RP1: variants seen among roughly 807,000 people sequenced by gnomAD.
RP1 encodes RP1 axonemal microtubule associated, also known as oxygen-regulated protein 1.
In RP1, 16 loss-of-function variants were observed where a neutral mutation model predicts 14.8. The ratio of observed to expected loss-of-function variants is 1.08; its 90% confidence interval spans 0.73 to 1.65. RP1 has a LOEUF of 1.65. Among genes scored for constraint, RP1 ranks in the 40% most tolerant of loss-of-function variants. The pLI is 0.00. For missense variants in RP1, 2,631 were observed against 2,535.0 expected, an observed-to-expected ratio of 1.04 and a Z score of -0.81; for synonymous variants, 876 against 883.6, an observed-to-expected ratio of 0.99 and a Z score of 0.15.
Position 54,629,647 on chromosome 8 carries a change from C to T in RP1, c.5765C>T (p.Thr1922Ile), listed in dbSNP as rs1806192199. The T allele has an allele frequency of 6.2e-7, 1 of 1,613,942 alleles. No individual in the cohort carries two copies. The highest frequency in any genetic ancestry group is 8.5e-7 in the Non-Finnish European group (1 of 1,179,978). Reference sequence around the variant, plus strand: ...TGTGGTCAACATTGCCCAATACTAACTGTTATTATCCAACCCATGAATGAG... The same window carrying T: ...TGTGGTCAACATTGCCCAATACTAATTGTTATTATCCAACCCATGAATGAG... ...ALCGQHCPIL[T>I]VIIQPMNEED... Residue 1922 changes from threonine to isoleucine, a missense_variant, in exon 4 of 4, where the codon ACT becomes ATT. By Grantham distance (89) the Thr-to-Ile change is moderately conservative. Coordinates refer to ENST00000220676, the MANE Select transcript of RP1 (RefSeq NM_006269.2).
chr8:54,775,420 C>G (rs534259177), intron 23 of RP1, among the ~76,000 whole-genome samples: 22 of 152,176 alleles, frequency 1.4e-4, no homozygotes, highest in Non-Finnish European at 2.6e-4. Context: ...GGCTCGCTTT[C>G]TGGGAATGTT....
intron 1 of RP1, among the ~76,000 whole-genome samples, chr8:54,618,952 C>T (rs1183699925): frequency 2.0e-5 from 3 of 152,208 alleles, no homozygotes; most frequent in Non-Finnish European, 4.4e-5. Flanking sequence ...TGAGCCACCA[C>T]GCCCGGGCCT....
intron 8 of RP1, among the ~76,000 whole-genome samples, chr8:54,675,628 A>T (rs2129333865): frequency 6.6e-6 from 1 of 152,330 alleles, no homozygotes; most frequent in Non-Finnish European, 1.5e-5. Context: ...TTAGTAAAAC[A>T]AAAATTTAAT....
chr8:54,846,059 G>T (rs1466196607), intron 25 of RP1, among the ~76,000 whole-genome samples: 1 of 152,268 alleles, frequency 6.6e-6, no homozygotes, highest in South Asian at 2.1e-4. Context: ...CCACATGTCT[G>T]CAGTTTTCAC....
downstream of RP1, among the ~76,000 whole-genome samples, chr8:54,770,867 A>G (rs1281055096): frequency 1.3e-5 from 2 of 151,866 alleles, no homozygotes; most frequent in African/African-American, 4.8e-5. Flanking sequence ...CTTCAAATCA[A>G]TCTGCAATTA....
chr8:54,670,377 TC>T (rs776894254), intron 7 of RP1, among the ~76,000 whole-genome samples: 177 of 151,324 alleles, frequency 1.2e-3, no homozygotes, highest in Non-Finnish European at 1.9e-3. Context: ...TGTGTTGCTG[TC>T]TATTTCTCCC....
At chr8:54,649,717 A>G (rs1443329101) in intron 4 of RP1, among the ~76,000 whole-genome samples, 1 of 152,180 alleles carries the variant, frequency 6.6e-6, no homozygotes. Flanking sequence ...ATGTCTGTTG[A>G]ATAAATTAAT....
chr8:54,563,302 C>T (rs922715593), intron 1 of RP1, among the ~76,000 whole-genome samples: 2 of 152,186 alleles, frequency 1.3e-5, no homozygotes, highest in African/African-American at 2.4e-5. Context: ...GGGACACGCT[C>T]ACTCTGTTAT....
intron 24 of RP1, among the ~76,000 whole-genome samples, chr8:54,830,515 T>G (rs1466025998): frequency 5.9e-5 from 9 of 152,176 alleles, no homozygotes; most frequent in Non-Finnish European, 1.5e-5. Context: ...AGATGCAGAT[T>G]TCTTATGCTT....
intron 24 of RP1, among the ~76,000 whole-genome samples, chr8:54,790,032 G>T (rs961651365): frequency 6.6e-6 from 1 of 152,122 alleles, no homozygotes; most frequent in Non-Finnish European, 1.5e-5. Flanking sequence ...CTATAGCCCT[G>T]CCTAATCATA....
At chr8:54,801,801 C>T (rs1479260921) in intron 24 of RP1, among the ~76,000 whole-genome samples, 3 of 152,294 alleles carry the variant, frequency 2.0e-5, no homozygotes, top group Non-Finnish European at 1.5e-5. Flanking sequence ...CAGGTGAGCA[C>T]ATGCTTAGGT....
intron 1 of RP1, among the ~76,000 whole-genome samples, chr8:54,606,537 C>T (rs1191967009): frequency 2.0e-5 from 3 of 152,142 alleles, no homozygotes; most frequent in South Asian, 2.1e-4. Flanking sequence ...TTGCTCTTCT[C>T]GAGGAGTATC....
intron 19 of RP1, among the ~76,000 whole-genome samples, chr8:54,743,164 C>G (rs1247093984): frequency 6.6e-6 from 1 of 152,158 alleles, no homozygotes; most frequent in Non-Finnish European, 1.5e-5. Context: ...AGAAAGAACT[C>G]AAATTTCACT....
chr8:54,741,858 C>CAAT (rs985333251), intron 19 of RP1, among the ~76,000 whole-genome samples: 1 of 149,638 alleles, frequency 6.7e-6, no homozygotes, highest in Non-Finnish European at 1.5e-5. Context: ...GCAGTAATAA[C>CAAT]AATAATAATA....
In RP1 at chr8:54,592,892, T is replaced by A. The variant is rs975021614; in HGVS notation, c.-12-28063T>A. ...GTTCCTCTTATCAAGAAAGCAAAAG[T>A]TTCTAGGAAGTGCTCCTTTTATCAA... On this transcript the variant is annotated intron_variant, in intron 1 of 22. Transcript: ENST00000636932. 3.9e-5 allele frequency among the ~76,000 whole-genome samples: 6 copies of A among 152,106 alleles called. 1 individual carries two copies. The highest frequency in any genetic ancestry group is 3.9e-4 in the Admixed American group (6 of 15,276).
chr8:54,839,967 T>G (rs1563392417), intron 25 of RP1, among the ~76,000 whole-genome samples: 1 of 152,300 alleles, frequency 6.6e-6, no homozygotes, highest in East Asian at 1.9e-4. Flanking sequence ...TTGTAGCTGT[T>G]CTGCAGTCAT....
chr8:54,628,350 A>G lies in RP1; in HGVS notation c.4468A>G (p.Thr1490Ala), dbSNP rs930192226. ...NTVVNGGEQA[T>A]EELIQEEVEA... ...AGTGGTAAATGGAGGAGAGCAAGCCACTGAAGAATTAATCCAAGAAGAGGT... is the reference window on the plus strand; with the variant it reads ...AGTGGTAAATGGAGGAGAGCAAGCCGCTGAAGAATTAATCCAAGAAGAGGT... Residue 1490 changes from threonine to alanine, a missense_variant, in exon 4 of 4, where the codon ACT becomes GCT. Coordinates refer to ENST00000220676, the MANE Select transcript of RP1 (RefSeq NM_006269.2). 1.2e-6 allele frequency: 2 copies of G among 1,613,850 alleles called. No homozygotes were observed. Among genetic ancestry groups the G allele is most frequent in the Non-Finnish European group, 1.7e-6 (2 of 1,179,872 alleles).
At chr8:54,793,426 TC>T (rs1320109704) in intron 24 of RP1, among the ~76,000 whole-genome samples, 5 of 152,076 alleles carry the variant, frequency 3.3e-5, no homozygotes, top group Admixed American at 2.6e-4. Context: ...GCAAAAATCC[TC>T]AACAAAATAC....
intron 1 of RP1, among the ~76,000 whole-genome samples, chr8:54,609,446 C>T (rs1805538920): frequency 6.6e-6 from 1 of 152,102 alleles, no homozygotes; most frequent in Non-Finnish European, 1.5e-5. Context: ...AGAGCAAAAC[C>T]TTGTCTTAAA....
Sources: allele counts gnomAD v4.1 joint callset (sites outside exome capture counted in the v4.1 genomes callset), GRCh38; gene constraint gnomAD v4.1.1; transcripts MANE v1.5; gene names NCBI Gene and HGNC (gene_info 2026-07-23, HGNC 2026-07-21).